Variants in SEMA3A observed in about 807,000 individuals in gnomAD.
The protein encoded by SEMA3A is semaphorin-3A.
A neutral mutation model predicts 97.9 loss-of-function variants in SEMA3A; 29 were observed. That is an observed-to-expected ratio of 0.30 (90% CI 0.22 to 0.40). SEMA3A has a LOEUF of 0.40. SEMA3A is among the 10% of genes least tolerant of loss of function. The pLI is 1.00. For synonymous variants in SEMA3A, 321 were observed against 323.7 expected (o/e 0.99, Z 0.09); for missense variants, 763 against 951.3 (o/e 0.80, Z 2.60).
Position 83,962,626 on chromosome 7 carries a change from G to A in SEMA3A, c.1860+579C>T, listed in dbSNP as rs575351832. On this transcript the variant is annotated intron_variant, in intron 16 of 16. Coordinates refer to ENST00000265362, the MANE Select transcript of SEMA3A (RefSeq NM_006080.3). ...TTAAAAAGTTTTAAAGGCTCGTAGT[G>A]CTCACTAAGATTTTCTGTATACAAT... Among the ~76,000 whole-genome samples, 4 of 152,162 alleles carry A rather than the reference G, an allele frequency of 2.6e-5. No individual in the cohort carries two copies. In the South Asian group the frequency reaches 6.2e-4, roughly 24 times the overall value.
At chr7:84,378,936 GT>G (rs1022682658) in intron 1 of SEMA3A, among the ~76,000 whole-genome samples, 1 of 148,726 alleles carries the variant, frequency 6.7e-6, no homozygotes, top group Non-Finnish European at 1.5e-5. Flanking sequence ...GTTTTGTTTT[GT>G]TTTTTTTGAG....
intron 1 of SEMA3A, among the ~76,000 whole-genome samples, chr7:84,398,182 C>A (rs1803788966): frequency 6.6e-6 from 1 of 152,154 alleles, no homozygotes; most frequent in Non-Finnish European, 1.5e-5. Flanking sequence ...ATTCTCCTAT[C>A]CAACAGGTCT....
At chr7:84,488,233 C>A (rs1013254217) in intron 1 of SEMA3A, among the ~76,000 whole-genome samples, 1 of 151,706 alleles carries the variant, frequency 6.6e-6, no homozygotes, top group African/African-American at 2.4e-5. Context: ...ACTAGAGAGA[C>A]ATACCACATA....
At chr7:84,405,132 G>A (rs1159556985) in intron 1 of SEMA3A, among the ~76,000 whole-genome samples, 1 of 152,140 alleles carries the variant, frequency 6.6e-6, no homozygotes, top group Admixed American at 6.6e-5. Context: ...CCATCAGTGT[G>A]CTGTACTCAG....
intron 15 of SEMA3A, among the ~76,000 whole-genome samples, chr7:83,965,141 A>G (rs1007121888): frequency 4.7e-5 from 7 of 147,472 alleles, no homozygotes; most frequent in African/African-American, 1.8e-4. Context: ...GGGTTTCGCC[A>G]TTTTAGCCAG....
chr7:84,474,934 C>CTATTTA (rs1806242867), intron 1 of SEMA3A, among the ~76,000 whole-genome samples: 3 of 151,636 alleles, frequency 2.0e-5, no homozygotes, highest in African/African-American at 7.3e-5. Flanking sequence ...TGAAGAGAAA[C>CTATTTA]TATAAAGAGA....
In SEMA3A at chr7:84,221,334, A is replaced by G. The variant is rs569819563; in HGVS notation, c.-82-26666T>C. Among the ~76,000 whole-genome samples the G allele has an allele frequency of 1.2e-3, 176 of 152,244 alleles. 1 individual carries two copies. The highest frequency in any genetic ancestry group is 4.0e-3 in the African/African-American group (165 of 41,554). ...AGACCACTAACATTTGCTCCATATC[A>G]GCAATAAAGCTGTTTTACCTTCTTA... On this transcript the variant is annotated intron_variant, in intron 3 of 3. Transcript: ENST00000424555.
chr7:84,459,458 C>T (rs2116384178), intron 1 of SEMA3A, among the ~76,000 whole-genome samples: 1 of 152,204 alleles, frequency 6.6e-6, no homozygotes, highest in Admixed American at 6.5e-5. Context: ...ATTTTCCAAA[C>T]AATAACTTGT....
At chr7:84,313,073 A>G (rs1801385401) in intron 2 of SEMA3A, among the ~76,000 whole-genome samples, 1 of 144,534 alleles carries the variant, frequency 6.9e-6, no homozygotes, top group African/African-American at 2.5e-5. Flanking sequence ...TATATATACT[A>G]TATAATATAA....
At chr7:84,468,806 GTTT>G (rs939417872) in intron 1 of SEMA3A, among the ~76,000 whole-genome samples, 1 of 151,156 alleles carries the variant, frequency 6.6e-6, no homozygotes, top group Non-Finnish European at 1.5e-5. Flanking sequence ...ATCAAGAATA[GTTT>G]TTATTTTCTT....
rs972922061 is a variant in SEMA3A at position 84,021,789 on chromosome 7, T to C, written c.668-7438A>G. Reference sequence around the variant, plus strand: ...TCCTGAACTAAAAATTGGTAGGTTCTTTTGAAAGAAGGAATTACATTTTCT... The same window carrying C: ...TCCTGAACTAAAAATTGGTAGGTTCCTTTGAAAGAAGGAATTACATTTTCT... On this transcript the variant is annotated intron_variant, in intron 6 of 16. Transcript: ENST00000265362. Among the ~76,000 whole-genome samples, 26 of 152,348 alleles carry C rather than the reference T, an allele frequency of 1.7e-4. 1 individual carries two copies. The highest frequency in any genetic ancestry group is 6.0e-4 in the African/African-American group (25 of 41,590).
chr7:84,450,049 G>A (rs1805517301), intron 1 of SEMA3A, among the ~76,000 whole-genome samples: 1 of 152,122 alleles, frequency 6.6e-6, no homozygotes, highest in Admixed American at 6.5e-5. Context: ...ACATGGAAGT[G>A]CAAATATCTC....
chr7:84,439,609 G>A (rs1324483387), intron 1 of SEMA3A, among the ~76,000 whole-genome samples: 1 of 152,144 alleles, frequency 6.6e-6, no homozygotes. Context: ...TTCAAACAGT[G>A]ACTGTCAAAG....
chr7:84,445,665 T>C (rs2116351785), intron 1 of SEMA3A, among the ~76,000 whole-genome samples: 1 of 151,558 alleles, frequency 6.6e-6, no homozygotes, highest in South Asian at 2.1e-4. Flanking sequence ...GGAAAATACT[T>C]AGAGATTAAA....
chr7:84,115,044 T>C (rs1345594028), intron 3 of SEMA3A, among the ~76,000 whole-genome samples: 1 of 152,114 alleles, frequency 6.6e-6, no homozygotes, highest in African/African-American at 2.4e-5. Context: ...ATTTAGAATA[T>C]GCCATAATAA....
intron 15 of SEMA3A, among the ~76,000 whole-genome samples, chr7:83,972,719 A>C (rs992617694): frequency 1.3e-5 from 2 of 152,132 alleles, no homozygotes; most frequent in African/African-American, 4.8e-5. Flanking sequence ...TTAGTTTGTA[A>C]CAGTTAAATT....
intron 1 of SEMA3A, among the ~76,000 whole-genome samples, chr7:84,421,037 T>A (rs2116278750): frequency 6.6e-6 from 1 of 152,180 alleles, no homozygotes; most frequent in Admixed American, 6.6e-5. Flanking sequence ...AGATTTTGAA[T>A]TTGTTTGCTC....
At chr7:84,340,545 G>A (rs1250643995) in intron 2 of SEMA3A, among the ~76,000 whole-genome samples, 10 of 151,910 alleles carry the variant, frequency 6.6e-5, no homozygotes, top group Admixed American at 5.9e-4. Context: ...TTGGGAGGCC[G>A]AGGCAGGTGG....
At chr7:84,195,024 A>AGAGAGAGAGAGAGAAAGAGAGAGAGAG (rs1798179833), upstream of SEMA3A, 233 of 140,492 alleles carry the variant, frequency 1.7e-3, no homozygotes, top group African/African-American at 5.7e-3. Context: ...GAGAGAGAGA[A>AGAGAGAGAGAGAGAAAGAGAGAGAGAG]AGAGAGAGAG....
Sources: gnomAD v4.1 joint callset for allele counts (sites outside exome capture counted in the v4.1 genomes callset) on GRCh38, gnomAD v4.1.1 for gene constraint, MANE v1.5 for transcripts, NCBI Gene and HGNC (gene_info 2026-07-23, HGNC 2026-07-21) for gene names.